The following DAB2IP variants were observed in gnomAD, a reference collection of about 807,000 sequenced individuals.
DAB2IP encodes disabled homolog 2-interacting protein.
Under a neutral mutation model 107.2 loss-of-function variants are expected in DAB2IP, and 28 were observed. The observed-to-expected ratio is 0.26, with a 90% CI of 0.19 to 0.36. DAB2IP has a LOEUF of 0.36. Among genes scored for constraint, DAB2IP ranks in the 10% least tolerant of loss-of-function variants. The probability of loss-of-function intolerance (pLI) is 1.00; values close to 1 mark genes in which losing one functional copy is unlikely to be tolerated. For synonymous variants in DAB2IP, 755 were observed against 706.4 expected (o/e 1.07, Z -1.09); for missense variants, 1,400 against 1,644.7 (o/e 0.85, Z 2.57).
intron 1 of DAB2IP, among the ~76,000 whole-genome samples, chr9:121,618,677 T>C (rs1363166612): frequency 2.6e-5 from 4 of 152,230 alleles, no homozygotes; most frequent in African/African-American, 9.6e-5. Flanking sequence ...AGAAACATTT[T>C]TTTTTTCTCC....
chr9:121,642,008 TCTCTCTCTCTCTCTCTCTCTC>T (rs1832342988), intron 1 of DAB2IP, among the ~76,000 whole-genome samples: 1 of 23,416 alleles, frequency 4.3e-5, no homozygotes, highest in African/African-American at 2.7e-4. Flanking sequence ...TCTCTCTCTC[TCTCTCTCTCTCTCTCTCTCTC>T]TCTTTCTTTC....
At chr9:121,640,115 G>A (rs746949016) in intron 1 of DAB2IP, among the ~76,000 whole-genome samples, 2 of 152,156 alleles carry the variant, frequency 1.3e-5, no homozygotes, top group Non-Finnish European at 2.9e-5. Flanking sequence ...GCCACTCAGG[G>A]GTCCTTCCTG....
At chr9:121,762,018 A>T (rs1833930011) in intron 6 of DAB2IP, among the ~76,000 whole-genome samples, 1 of 152,096 alleles carries the variant, frequency 6.6e-6, no homozygotes, top group Non-Finnish European at 1.5e-5. Flanking sequence ...GCTGCAGCCA[A>T]CCCCAAAGGC....
chr9:121,610,203 C>A (rs1052907740), intron 1 of DAB2IP, among the ~76,000 whole-genome samples: 1 of 152,144 alleles, frequency 6.6e-6, no homozygotes, highest in Non-Finnish European at 1.5e-5. Flanking sequence ...AGGATAGTGG[C>A]TCTGTGTTAG....
intron 3 of DAB2IP, among the ~76,000 whole-genome samples, chr9:121,700,733 C>T (rs1166999763): frequency 6.6e-6 from 1 of 152,178 alleles, no homozygotes; most frequent in Admixed American, 6.5e-5. Context: ...AATGGCTAGA[C>T]GTTTAATTTC....
chr9:121,671,260 C>T (rs773330239), intron 1 of DAB2IP, among the ~76,000 whole-genome samples: 4 of 152,230 alleles, frequency 2.6e-5, no homozygotes, highest in African/African-American at 4.8e-5. Flanking sequence ...TGCTTGAACC[C>T]AGGAGGCGAA....
exon 2 of DAB2IP, chr9:121,678,688 A>G: frequency 6.4e-7 from 1 of 1,569,596 alleles, no homozygotes; most frequent in Non-Finnish European, 8.7e-7. Flanking sequence ...AGTCGCCTCA[A>G]GAAAGGCCGG....
chr9:121,754,482 CA>C (rs1833340531), intron 3 of DAB2IP, among the ~76,000 whole-genome samples: 2 of 152,160 alleles, frequency 1.3e-5, no homozygotes, highest in African/African-American at 4.8e-5. Context: ...GCTTGGGCTG[CA>C]GGGATGGATG....
intron 1 of DAB2IP, among the ~76,000 whole-genome samples, chr9:121,659,976 A>G (rs969847295): frequency 3.3e-5 from 5 of 151,956 alleles, no homozygotes; most frequent in Admixed American, 1.3e-4. Context: ...AGGGGCTGCC[A>G]CAGCAGATAT....
chr9:121,774,650 A>G (rs1835060498), intron 13 of DAB2IP, among the ~76,000 whole-genome samples: 1 of 152,222 alleles, frequency 6.6e-6, no homozygotes, highest in Non-Finnish European at 1.5e-5. Context: ...TGGAATCACC[A>G]GGGAATTGTC....
rs1832458762 is a variant in DAB2IP at position 121,742,979 on chromosome 9, A to G, written c.363-14034A>G. On this transcript the variant is annotated intron_variant, in intron 3 of 15. Coordinates refer to ENST00000408936, the Ensembl canonical transcript of DAB2IP. ...CATCATGAAGAAGAGACACTGGAGG[A>G]TGTGGAGCAGTTGGGGCCTGTGGTC... 3 of 985,364 alleles carry G rather than the reference A, an allele frequency of 3.0e-6. No homozygotes were observed. In the South Asian group the frequency reaches 1.4e-4, roughly 46 times the overall value. 61.0% of individuals were successfully genotyped at this position (985,364 alleles called of 1,614,324 possible).
At chr9:121,674,876 GGT>G (rs369953526) in intron 1 of DAB2IP, among the ~76,000 whole-genome samples, 17 of 150,044 alleles carry the variant, frequency 1.1e-4, no homozygotes, top group East Asian at 2.0e-4. Flanking sequence ...TGGCCAGGGT[GGT>G]GTGTGTGTGT....
intron 1 of DAB2IP, among the ~76,000 whole-genome samples, chr9:121,655,441 A>G (rs1050351152): frequency 4.6e-5 from 7 of 152,196 alleles, no homozygotes; most frequent in East Asian, 3.9e-4. Context: ...AGCACCTACT[A>G]TGTGCTGGGC....
chr9:121,671,094 T>A (rs1468720552), intron 1 of DAB2IP, among the ~76,000 whole-genome samples: 2 of 152,096 alleles, frequency 1.3e-5, no homozygotes, highest in African/African-American at 4.8e-5. Flanking sequence ...GTGATTGCAG[T>A]GAGCCGAGAT....
chr9:121,672,806 A>C (rs1230484714), intron 1 of DAB2IP, among the ~76,000 whole-genome samples: 1 of 152,188 alleles, frequency 6.6e-6, no homozygotes, highest in African/African-American at 2.4e-5. Flanking sequence ...TGCCACTTTC[A>C]TACTGTGTGA....
chr9:121,676,644 C>A (rs1340348372), intron 1 of DAB2IP, among the ~76,000 whole-genome samples: 1 of 151,802 alleles, frequency 6.6e-6, no homozygotes, highest in Non-Finnish European at 1.5e-5. Flanking sequence ...CGCACACACA[C>A]ACACACACTC....
At chr9:121,745,877 TAGCTG>T (rs1246868554) in intron 3 of DAB2IP, among the ~76,000 whole-genome samples, 1 of 152,216 alleles carries the variant, frequency 6.6e-6, no homozygotes, top group Non-Finnish European at 1.5e-5. Flanking sequence ...ATTGAAGAGA[TAGCTG>T]AGCTGGAGTG....
chr9:121,768,393 C>T, intron 9 of DAB2IP, 39 bp from the exon 10 acceptor site: 1 of 1,609,646 alleles, frequency 6.2e-7, no homozygotes, highest in Non-Finnish European at 8.5e-7. Context: ...CAGGGCCTGC[C>T]TGGGCCCAGT....
At chr9:121,724,427 C>T (rs1023367882) in intron 3 of DAB2IP, among the ~76,000 whole-genome samples, 12 of 152,198 alleles carry the variant, frequency 7.9e-5, no homozygotes, top group South Asian at 2.1e-4. Flanking sequence ...TCCAACCACC[C>T]GGTCAAACAC....
Sources: allele counts gnomAD v4.1 joint callset (sites outside exome capture counted in the v4.1 genomes callset), GRCh38; gene constraint gnomAD v4.1.1; transcripts MANE v1.5; gene names NCBI Gene and HGNC (gene_info 2026-07-23, HGNC 2026-07-21).